Variants in ODF2L observed in about 807,000 individuals in gnomAD.
ODF2L encodes protein BCAP.
In ODF2L, 76 loss-of-function variants were observed where a neutral mutation model predicts 86.3. The observed-to-expected ratio is 0.88, with a 90% CI of 0.73 to 1.07. The LOEUF is 1.07. ODF2L is among the 50% of genes least tolerant of loss of function. The pLI, the probability that ODF2L is intolerant of heterozygous loss-of-function variation, is 0.00. For synonymous variants in ODF2L, 241 were observed against 231.3 expected (o/e 1.04, Z -0.38); for missense variants, 748 against 717.4 (o/e 1.04, Z -0.49).
At chr1:86,371,195 T>A in intron 9 of ODF2L, 42 bp from the exon 10 acceptor site, 5 of 1,157,234 alleles carry the variant, frequency 4.3e-6, no homozygotes, top group Non-Finnish European at 6.0e-6. Flanking sequence ...GTCATAAAAA[T>A]TTTTATTCAA....
intron 4 of ODF2L, among the ~76,000 whole-genome samples, 158 bp downstream of exon 4, chr1:86,384,518 C>G (rs1352138276): frequency 6.6e-6 from 1 of 151,714 alleles, no homozygotes; most frequent in Non-Finnish European, 1.5e-5. Flanking sequence ...TCATATACAA[C>G]TACTTATGAA....
intron 11 of ODF2L, among the ~76,000 whole-genome samples, chr1:86,364,812 T>A (rs1659290943): frequency 6.6e-6 from 1 of 152,200 alleles, no homozygotes; most frequent in African/African-American, 2.4e-5. Context: ...AAGAGCCACA[T>A]CAGCTTTGAA....
Position 86,376,206 on chromosome 1 carries a change from A to C in ODF2L, c.810+27T>G, listed in dbSNP as rs749909859. 4 of 1,338,322 alleles carry C rather than the reference A, an allele frequency of 3.0e-6. No homozygotes were observed. In the African/African-American group the frequency reaches 5.9e-5, roughly 20 times the overall value. The allele number at this position is 1,338,322 out of a possible 1,614,324, so 82.9% of individuals were successfully genotyped here. On this transcript the variant is annotated intron_variant, in intron 8 of 17. Transcript: ENST00000317336. ...AAACTACGTACATAATAGATCTTTT[A>C]ATTTTAAAAAGAATGCATTTACATA...
chr1:86,391,573 G>T (rs1029784336), intron 1 of ODF2L, among the ~76,000 whole-genome samples: 3 of 152,064 alleles, frequency 2.0e-5, no homozygotes, highest in African/African-American at 7.2e-5. Context: ...CATAAAGTGG[G>T]GAAAAGACAC....
chr1:86,354,485 T>C, intron 16 of ODF2L, 45 bp downstream of exon 15: 1 of 1,291,562 alleles, frequency 7.7e-7, no homozygotes, highest in Middle Eastern at 1.9e-4. Flanking sequence ...AAGATGACTC[T>C]TTGGTAAATG....
At chr1:86,396,011 C>G (rs558540336) in intron 1 of ODF2L, 22 bp downstream of exon 1, 12 of 152,434 alleles carry the variant, frequency 7.9e-5, no homozygotes, top group African/African-American at 2.9e-4. Context: ...AAAGTCGCCC[C>G]CAACCCAAAA....
At chr1:86,366,369 G>A (rs1449963440) in intron 11 of ODF2L, among the ~76,000 whole-genome samples, 2 of 147,760 alleles carry the variant, frequency 1.4e-5, no homozygotes, top group East Asian at 4.0e-4. Context: ...CAGGAGCCTA[G>A]GCAGCATAGT....
exon 18 of ODF2L, chr1:86,351,932 T>C (rs2100699564): frequency 8.4e-7 from 1 of 1,186,646 alleles, no homozygotes; most frequent in East Asian, 3.9e-5. Flanking sequence ...CTCATTTATT[T>C]TTTCAGAGGC....
rs1300380453 is a variant in ODF2L, at chr1:86,364,171, T to G, written c.1144-3635A>C. ...TATCAAAAACTAGTTTATAATATCTTTCTAATCCTTTCTCTCTGAAGGATT... is the reference window on the plus strand; with the variant it reads ...TATCAAAAACTAGTTTATAATATCTGTCTAATCCTTTCTCTCTGAAGGATT... On this transcript the variant is annotated intron_variant, in intron 11 of 17. Coordinates refer to ENST00000317336, the Ensembl canonical transcript of ODF2L. 5.9e-5 allele frequency among the ~76,000 whole-genome samples: 9 copies of G among 152,298 alleles called. No individual in the cohort carries two copies. The East Asian group carries it at 9.6e-4, about 16-fold the overall frequency.
chr1:86,383,081 G>T, intron 5 of ODF2L, 53 bp downstream of exon 5: 2 of 1,306,998 alleles, frequency 1.5e-6, no homozygotes, highest in Non-Finnish European at 2.2e-6. Context: ...CAAGCAGCAT[G>T]CAAATAACAA....
Position 86,352,761 on chromosome 1 carries a change from G to A in ODF2L, c.1893+98C>T, listed in dbSNP as rs999537903. 4.0e-5 allele frequency: 28 copies of A among 705,866 alleles called. No individual in the cohort carries two copies. The African/African-American group carries it at 5.2e-4, about 13-fold the overall frequency. The allele number at this position is 705,866 out of a possible 1,614,324, so 43.7% of individuals were successfully genotyped here. A position where few individuals can be genotyped will look rare whatever the true frequency, so the allele number is the denominator to read the frequency against. ...TTGCTTGTTATTTTTAATATTATCA[G>A]TAAAACAATAGACTTGATTCACTCA... On this transcript the variant is annotated intron_variant, in intron 17 of 17. Transcript: ENST00000317336.
At chr1:86,357,987 A>T (rs1658719120) in intron 13 of ODF2L, 1 of 985,316 alleles carries the variant, frequency 1.0e-6, no homozygotes, top group African/African-American at 1.7e-5. Context: ...GTGAAAAGTA[A>T]TTCCATGAAA....
chr1:86,363,388 TAA>T (rs1659178717), intron 11 of ODF2L, among the ~76,000 whole-genome samples: 2 of 152,174 alleles, frequency 1.3e-5, no homozygotes, highest in South Asian at 4.1e-4. Context: ...AGATGGTATG[TAA>T]AGCCACAAGA....
chr1:86,387,867 AT>A (rs980818439), intron 1 of ODF2L, among the ~76,000 whole-genome samples: 1 of 152,058 alleles, frequency 6.6e-6, no homozygotes, highest in African/African-American at 2.4e-5. Context: ...GGTTTTCTAC[AT>A]TTTTTTGGAT....
At chr1:86,348,135 T>A (rs1027198568), downstream of ODF2L, 2 of 152,076 alleles carry the variant, frequency 1.3e-5, no homozygotes, top group Non-Finnish European at 2.9e-5. Flanking sequence ...CTATTCTTTA[T>A]AAAGAAATAA....
At chr1:86,360,768 T>C (rs1658977344) in intron 11 of ODF2L, 1 of 267,078 alleles carries the variant, frequency 3.7e-6, no homozygotes, top group South Asian at 1.4e-4. Flanking sequence ...CTTTCTAAAT[T>C]TACTGACAAA....
At chr1:86,393,614 G>C (rs926222880) in intron 1 of ODF2L, among the ~76,000 whole-genome samples, 1 of 152,308 alleles carries the variant, frequency 6.6e-6, no homozygotes, top group African/African-American at 2.4e-5. Context: ...TGACTGTTCT[G>C]TAAACACGGC....
chr1:86,376,312 T>G (rs931666239), exon 8 of ODF2L: 2 of 1,611,116 alleles, frequency 1.2e-6, no homozygotes, highest in Non-Finnish European at 1.7e-6. Context: ...TTTAGATGCC[T>G]TTTTTAAAGC....
At chr1:86,347,854 C>G (rs1328804507), downstream of ODF2L, 1 of 152,150 alleles carries the variant, frequency 6.6e-6, no homozygotes, top group Non-Finnish European at 1.5e-5. Context: ...TGCCTTGGCA[C>G]ACACAGTGGG....
Sources: gnomAD v4.1 joint callset for allele counts (sites outside exome capture counted in the v4.1 genomes callset) on GRCh38, gnomAD v4.1.1 for gene constraint, MANE v1.5 for transcripts, NCBI Gene and HGNC (gene_info 2026-07-23, HGNC 2026-07-21) for gene names.